KANK4: variants seen among roughly 807,000 people sequenced by gnomAD.
KANK4 encodes the protein KN motif and ankyrin repeat domain-containing protein 4.
KANK4 carries 50 observed loss-of-function variants against 80.8 expected under a neutral mutation model. That is an observed-to-expected ratio of 0.62 (90% CI 0.49 to 0.78). The LOEUF (loss-of-function observed/expected upper bound fraction) is 0.78, where lower values mean the gene tolerates loss of function less well. Among genes scored for constraint, KANK4 ranks in the 30% least tolerant of loss-of-function variants. The pLI is 0.00. For missense variants in KANK4, 1,196 were observed against 1,240.1 expected (o/e 0.96, Z 0.53); for synonymous variants, 465 against 506.9 (o/e 0.92, Z 1.11).
chr1:62,287,105 C>T (rs372660187), intron 1 of KANK4, among the ~76,000 whole-genome samples: 1 of 152,070 alleles, frequency 6.6e-6, no homozygotes, highest in African/African-American at 2.4e-5. Context: ...CAGAGTGTCC[C>T]GGGCAAGCAC....
intron 7 of KANK4, among the ~76,000 whole-genome samples, chr1:62,253,981 G>A (rs138994160): frequency 1.3e-5 from 2 of 152,224 alleles, no homozygotes; most frequent in African/African-American, 2.4e-5. Flanking sequence ...TGCCACCCAC[G>A]GCTGTGCATT....
chr1:62,279,236 A>G (rs890895779), intron 2 of KANK4, among the ~76,000 whole-genome samples: 4 of 80,620 alleles, frequency 5.0e-5, no homozygotes, highest in African/African-American at 1.6e-4. Context: ...ACACACACAC[A>G]CACACAGAGT....
chr1:62,270,623 A>G (rs750578834), intron 4 of KANK4, among the ~76,000 whole-genome samples: 2 of 151,886 alleles, frequency 1.3e-5, no homozygotes, highest in Non-Finnish European at 2.9e-5. Flanking sequence ...GCCTCAGGTG[A>G]TCTGTCCACC....
At chr1:62,247,268 G>A (rs1055872964) in intron 9 of KANK4, among the ~76,000 whole-genome samples, 1 of 151,598 alleles carries the variant, frequency 6.6e-6, no homozygotes, top group Non-Finnish European at 1.5e-5. Flanking sequence ...TCTGCTGGCC[G>A]GCAAGGCACT....
At chr1:62,261,946 T>G (rs1454313411) in intron 7 of KANK4, among the ~76,000 whole-genome samples, 1 of 152,192 alleles carries the variant, frequency 6.6e-6, no homozygotes, top group African/African-American at 2.4e-5. Flanking sequence ...CTCTCTTTCA[T>G]GAGCCACCAT....
At chr1:62,310,280 G>A (rs1644487636) in intron 1 of KANK4, among the ~76,000 whole-genome samples, 1 of 152,210 alleles carries the variant, frequency 6.6e-6, no homozygotes, top group African/African-American at 2.4e-5. Context: ...GGACGATCTA[G>A]GTAAGTGGTA....
Position 62,266,786 on chromosome 1 carries a change from G to A in KANK4, c.2265C>T (p.Cys755=), listed in dbSNP as rs1015493511. Residue 755 remains cysteine, a synonymous_variant, in exon 6 of 10, where the codon TGC becomes TGT. Transcript: ENST00000371153. The part of the protein sequence containing the change: ...YKPSEEFLNA[C]RALSQHLPET... ...CTGGCAGATGCTGGCTCAGTGCCCG[G>A]CATGCATTAAGAAATTCTTCTGAGG... The A allele has an allele frequency of 1.9e-6, 3 of 1,611,906 alleles. No homozygotes were observed. Among genetic ancestry groups the A allele is most frequent in the African/African-American group, 1.3e-5 (1 of 74,890 alleles).
intron 3 of KANK4, chr1:62,271,801 T>C (rs1315344604): frequency 1.0e-5 from 5 of 502,096 alleles, no homozygotes; most frequent in African/African-American, 3.9e-5. Flanking sequence ...CTGTTAACAA[T>C]GCCCCTCTAA....
intron 2 of KANK4, among the ~76,000 whole-genome samples, chr1:62,279,952 C>G (rs1240262945): frequency 6.6e-6 from 1 of 152,150 alleles, no homozygotes; most frequent in African/African-American, 2.4e-5. Context: ...CAAACACAGT[C>G]AGCTTCAGAG....
intron 9 of KANK4, among the ~76,000 whole-genome samples, chr1:62,241,090 T>A (rs1473365066): frequency 6.6e-6 from 1 of 152,230 alleles, no homozygotes; most frequent in Non-Finnish European, 1.5e-5. Context: ...TGCACAGATT[T>A]ACTTCCTAAA....
chr1:62,308,067 A>T (rs1480704645), intron 1 of KANK4, among the ~76,000 whole-genome samples: 1 of 152,016 alleles, frequency 6.6e-6, no homozygotes, highest in Non-Finnish European at 1.5e-5. Flanking sequence ...CTTTTCTATC[A>T]GACTGGCAAG....
At chr1:62,305,347 C>T (rs1489779288) in intron 1 of KANK4, among the ~76,000 whole-genome samples, 3 of 152,012 alleles carry the variant, frequency 2.0e-5, no homozygotes, top group Non-Finnish European at 4.4e-5. Flanking sequence ...CTCGCTTTGT[C>T]GCCCAGGCTG....
chr1:62,288,303 A>T lies in KANK4; in HGVS notation c.-70-6669T>A, dbSNP rs2765257. ...CCCTTCTGCCCCATGATGGAAAAAA[A>T]GGTGAACTGTCCAAGTCCAGCAAGA... On this transcript the variant is annotated intron_variant, in intron 1 of 9. Coordinates refer to ENST00000371153, the MANE Select transcript of KANK4 (RefSeq NM_181712.5). 9.6e-3 allele frequency among the ~76,000 whole-genome samples: 1,463 copies of T among 152,318 alleles called. 20 individuals carry two copies. Among genetic ancestry groups the T allele is most frequent in the African/African-American group, 0.033 (1,372 of 41,588 alleles).
At position 62,274,519 on chromosome 1, in the gene KANK4, ACCCT is replaced by A. The variant is rs746999066; in HGVS notation, c.581_584del (p.Gln194LeufsTer45). On this transcript the variant is annotated frameshift_variant, in exon 3 of 10. Transcript: ENST00000371153. LOFTEE classifies it high-confidence loss of function. ...AGGTGCCATCACAGACACTGCCTTC[ACCCT>A]GAAGGGGAGGGAGGGCAGGAGGGGC... is the stretch of plus-strand genomic sequence containing the variant. 3.1e-6 allele frequency: 5 copies of A among 1,614,088 alleles called. No homozygotes were observed. The highest frequency in any genetic ancestry group is 4.2e-6 in the Non-Finnish European group (5 of 1,179,988).
At chr1:62,302,098 A>T (rs1378182480) in intron 1 of KANK4, among the ~76,000 whole-genome samples, 1 of 152,072 alleles carries the variant, frequency 6.6e-6, no homozygotes, top group Non-Finnish European at 1.5e-5. Context: ...CTTGAAGACC[A>T]TGTGAGGCTC....
At chr1:62,259,955 A>G (rs1042212792) in intron 7 of KANK4, among the ~76,000 whole-genome samples, 1 of 152,012 alleles carries the variant, frequency 6.6e-6, no homozygotes, top group Non-Finnish European at 1.5e-5. Context: ...ACCGAGGCCC[A>G]TGCACTTTCG....
chr1:62,312,433 T>A (rs1209469412), intron 1 of KANK4, among the ~76,000 whole-genome samples: 1 of 152,238 alleles, frequency 6.6e-6, no homozygotes, highest in Non-Finnish European at 1.5e-5. Flanking sequence ...CTCTGAATTC[T>A]ATACGGGAAC....
At chr1:62,258,372 C>T (rs1454238203) in intron 7 of KANK4, among the ~76,000 whole-genome samples, 1 of 152,198 alleles carries the variant, frequency 6.6e-6, no homozygotes, top group East Asian at 1.9e-4. Flanking sequence ...TAATTATGTG[C>T]CTTTCTCAAT....
At chr1:62,305,374 T>C (rs546512132) in intron 1 of KANK4, among the ~76,000 whole-genome samples, 2 of 152,290 alleles carry the variant, frequency 1.3e-5, no homozygotes, top group African/African-American at 4.8e-5. Context: ...AATGGCGTGA[T>C]CTCGGCTCAC....
Sources: gnomAD v4.1 joint callset for allele counts (sites outside exome capture counted in the v4.1 genomes callset) on GRCh38, gnomAD v4.1.1 for gene constraint, MANE v1.5 for transcripts, NCBI Gene and HGNC (gene_info 2026-07-23, HGNC 2026-07-21) for gene names.